Variants in ADGRE3 observed in about 807,000 individuals in gnomAD.
ADGRE3 encodes the protein adhesion G protein-coupled receptor E3.
Under a neutral mutation model 80.1 loss-of-function variants are expected in ADGRE3, and 88 were observed. The observed-to-expected ratio is 1.10, with a 90% CI of 0.93 to 1.31. ADGRE3 has a LOEUF of 1.31. Among genes scored for constraint, ADGRE3 ranks in the 40% most tolerant of loss-of-function variants. The pLI is 0.00. For synonymous variants in ADGRE3, 281 were observed against 294.8 expected (o/e 0.95, Z 0.48); for missense variants, 715 against 776.5 (o/e 0.92, Z 0.94).
At chr19:14,627,539 G>A (rs554933775) in intron 14 of ADGRE3, among the ~76,000 whole-genome samples, 2 of 151,916 alleles carry the variant, frequency 1.3e-5, no homozygotes, top group African/African-American at 4.8e-5. Context: ...CACCACTCTC[G>A]GCTAATGTTT....
Position 14,647,383 on chromosome 19 carries a change from T to C in ADGRE3, c.698-18A>G, listed in dbSNP as rs1321723749. On this transcript the variant is annotated intron_variant, in intron 7 of 15. Transcript: ENST00000253673. ...ACTGGGACCTGAGGAAACAGAAAGA[T>C]GGAATCTTTTTTCTTTTCTTTTCTT... 4 of 1,516,210 alleles carry C rather than the reference T, an allele frequency of 2.6e-6. No individual in the cohort carries two copies. In the South Asian group the frequency reaches 3.7e-5, roughly 14 times the overall value. The allele number at this position is 1,516,210 out of a possible 1,614,324, so 93.9% of individuals were successfully genotyped here.
At chr19:14,631,602 T>C (rs80299489) in intron 13 of ADGRE3, among the ~76,000 whole-genome samples, 12,857 of 151,560 alleles carry the variant, frequency 0.085, 603 homozygotes, top group East Asian at 0.14. Context: ...CATTGTGTTA[T>C]ATATGTATAG....
the ADGRE3 span, chr19:14,610,020 C>T: frequency 7.0e-7 from 1 of 1,431,150 alleles, no homozygotes; most frequent in African/African-American, 1.4e-5. Flanking sequence ...AGTTTCACCA[C>T]CCTAAAGATC....
intron 5 of ADGRE3, among the ~76,000 whole-genome samples, chr19:14,657,741 A>ATT (rs1458932068): frequency 1.8e-5 from 1 of 56,864 alleles, no homozygotes; most frequent in African/African-American, 1.1e-4. Context: ...ATATATATAT[A>ATT]TATATTTTTT....
chr19:14,653,427 T>C (rs1396832680), intron 6 of ADGRE3, among the ~76,000 whole-genome samples: 1 of 152,180 alleles, frequency 6.6e-6, no homozygotes, highest in African/African-American at 2.4e-5. Flanking sequence ...ATTTTGACAA[T>C]ATTTCATAAT....
intron 3 of ADGRE3, 52 bp from the exon 4 acceptor site, chr19:14,662,170 C>T (rs772013730): frequency 6.3e-7 from 1 of 1,583,692 alleles, no homozygotes; most frequent in Non-Finnish European, 8.7e-7. Context: ...ATTTATTGAG[C>T]AGCTACTATG....
intron 11 of ADGRE3, among the ~76,000 whole-genome samples, chr19:14,636,004 T>TACCTTCCTTC (rs796166536): frequency 2.2e-4 from 16 of 74,316 alleles, no homozygotes; most frequent in African/African-American, 2.9e-4. Flanking sequence ...TCTCTCTTTC[T>TACCTTCCTTC]CTTTCTTTCT....
chr19:14,658,960 C>T (rs1971857168), intron 4 of ADGRE3, among the ~76,000 whole-genome samples: 1 of 151,442 alleles, frequency 6.6e-6, no homozygotes, highest in African/African-American at 2.4e-5. Flanking sequence ...ATCTCAAACT[C>T]TTGACCTCAT....
At chr19:14,648,585 G>C (rs921132108) in intron 7 of ADGRE3, among the ~76,000 whole-genome samples, 1 of 152,180 alleles carries the variant, frequency 6.6e-6, no homozygotes, top group African/African-American at 2.4e-5. Flanking sequence ...TGTCCACTTG[G>C]TTAGGCCATG....
At chr19:14,667,019 G>C (rs533909865) in intron 2 of ADGRE3, among the ~76,000 whole-genome samples, 110 of 152,282 alleles carry the variant, frequency 7.2e-4, no homozygotes, top group Middle Eastern at 6.8e-3. Context: ...GGTCGTACTG[G>C]AGTAGGGTGG....
intron 5 of ADGRE3, among the ~76,000 whole-genome samples, chr19:14,656,455 C>A (rs74258479): frequency 6.6e-6 from 1 of 151,714 alleles, no homozygotes; most frequent in Non-Finnish European, 1.5e-5. Flanking sequence ...TCCTGCCCAC[C>A]GACTAGATTT....
At chr19:14,630,297 G>A (rs1475692323) in intron 13 of ADGRE3, 90 bp from the exon 14 acceptor site, 2 of 1,059,032 alleles carry the variant, frequency 1.9e-6, no homozygotes, top group African/African-American at 3.2e-5. Flanking sequence ...TAAGAACTCT[G>A]GAGCTAGACT....
At chr19:14,600,443 A>C in the ADGRE3 span, among the ~76,000 whole-genome samples, 1 of 152,102 alleles carries the variant, frequency 6.6e-6, no homozygotes, top group Non-Finnish European at 1.5e-5. Flanking sequence ...ATGAAAATAC[A>C]ATAATTAATA....
intron 2 of ADGRE3, among the ~76,000 whole-genome samples, chr19:14,668,121 C>T (rs1025490038): frequency 2.1e-4 from 32 of 152,050 alleles, no homozygotes; most frequent in Admixed American, 7.9e-4. Flanking sequence ...CACAGTGGCA[C>T]GTGTCTTTAG....
Position 14,672,015 on chromosome 19 carries a change from G to T in ADGRE3, c.25+2731C>A, listed in dbSNP as rs143678981. 6.1e-4 allele frequency among the ~76,000 whole-genome samples: 93 copies of T among 152,242 alleles called. 1 individual carries two copies. The highest frequency in any genetic ancestry group is 2.2e-3 in the African/African-American group (91 of 41,542). On this transcript the variant is annotated intron_variant, in intron 1 of 15. Coordinates refer to ENST00000253673, the MANE Select transcript of ADGRE3 (RefSeq NM_032571.5). ...TCCTCCTTCTGTGGCCTCCCAAAGTGTTGGCATTATATGCGTGAGGCACTT... is the reference window on the plus strand; with the variant it reads ...TCCTCCTTCTGTGGCCTCCCAAAGTTTTGGCATTATATGCGTGAGGCACTT...
At chr19:14,606,146 T>C in the ADGRE3 span, among the ~76,000 whole-genome samples, 1 of 151,574 alleles carries the variant, frequency 6.6e-6, no homozygotes, top group African/African-American at 2.4e-5. Flanking sequence ...GGCTACCGAG[T>C]AGCACAAAAG....
intron 1 of ADGRE3, among the ~76,000 whole-genome samples, chr19:14,672,190 G>A (rs564258328): frequency 6.4e-4 from 98 of 152,240 alleles, no homozygotes; most frequent in African/African-American, 2.3e-3. Flanking sequence ...GGACCATCAT[G>A]TTTCCTTAAG....
intron 8 of ADGRE3, among the ~76,000 whole-genome samples, chr19:14,646,355 C>T (rs889925292): frequency 2.0e-5 from 3 of 152,232 alleles, no homozygotes; most frequent in East Asian, 1.9e-4. Flanking sequence ...ACCTCATGAT[C>T]CCCCCACCTT....
At chr19:14,616,792 AT>A (rs34403316), downstream of ADGRE3, among the ~76,000 whole-genome samples, 56,758 of 127,314 alleles carry the variant, frequency 0.45, 11,660 homozygotes, top group African/African-American at 0.52. Flanking sequence ...TTTTTCTAGA[AT>A]TTTTTTTTTT....
Sources: allele counts gnomAD v4.1 joint callset (sites outside exome capture counted in the v4.1 genomes callset), GRCh38; gene constraint gnomAD v4.1.1; transcripts MANE v1.5; gene names NCBI Gene and HGNC (gene_info 2026-07-23, HGNC 2026-07-21).